The following MMP12 variants were observed in gnomAD, a reference collection of about 807,000 sequenced individuals.
The protein encoded by MMP12 is macrophage metalloelastase.
In MMP12, 51 loss-of-function variants were observed where a neutral mutation model predicts 45.2. That is an observed-to-expected ratio of 1.13 (90% confidence interval 0.90 to 1.42). The LOEUF is 1.42. Ranked by LOEUF, MMP12 falls within the 40% of genes most tolerant of loss-of-function variation. The pLI is 0.00. For missense variants in MMP12, 530 were observed against 570.8 expected (o/e 0.93, Z 0.73); for synonymous variants, 210 against 193.3 (o/e 1.09, Z -0.72).
At chr11:102,874,085 T>A (rs1555009791) in intron 1 of MMP12, among the ~76,000 whole-genome samples, 1 of 150,218 alleles carries the variant, frequency 6.7e-6, no homozygotes, top group Non-Finnish European at 1.5e-5. Flanking sequence ...GAATTATTAA[T>A]GTTATTAATA....
intron 9 of MMP12, among the ~76,000 whole-genome samples, chr11:102,863,937 C>G (rs1345474472): frequency 2.0e-5 from 3 of 152,156 alleles, no homozygotes; most frequent in African/African-American, 7.2e-5. Context: ...GCTAGACAAC[C>G]CTGGGAATAT....
At position 102,874,907 on chromosome 11, in the gene MMP12, C is replaced by T. The variant is rs1555009887; in HGVS notation, c.31G>A (p.Ala11Thr). Reference sequence around the variant, plus strand: ...AGGGGAAGAGCTCCAGAAGCAGTGGCCTGCAGGAGCAGTATTAGAAGAAAC... The same window carrying T: ...AGGGGAAGAGCTCCAGAAGCAGTGGTCTGCAGGAGCAGTATTAGAAGAAAC... Reference protein sequence around the residue: MKFLLILLLQATASGALPLNS... With the variant: MKFLLILLLQTTASGALPLNS... Residue 11 changes from alanine (A) to threonine (T), a missense_variant, in exon 1 of 10, where the codon GCC becomes ACC. Transcript: ENST00000571244. The T allele has an allele frequency of 6.2e-7, 1 of 1,603,406 alleles. No individual in the cohort carries two copies. The highest frequency in any genetic ancestry group is 1.7e-5 in the Admixed American group (1 of 58,606).
intron 4 of MMP12, among the ~76,000 whole-genome samples, chr11:102,870,216 G>A (rs1481240583): frequency 6.6e-6 from 1 of 151,982 alleles, no homozygotes; most frequent in Non-Finnish European, 1.5e-5. Flanking sequence ...ATTTTTTTGA[G>A]GCTAACTAGC....
chr11:102,865,516 C>T lies in MMP12; in HGVS notation c.1205+260G>A, dbSNP rs1565232377. 6.6e-6 allele frequency among the ~76,000 whole-genome samples: 1 copy of T among 152,004 alleles called. No homozygotes were observed. Among genetic ancestry groups the T allele is most frequent in the East Asian group, 1.9e-4 (1 of 5,196 alleles). On this transcript the variant is annotated intron_variant, in intron 8 of 9. Transcript: ENST00000571244. This position sits in a 1 kb window ranked among gnomAD's most constrained non-coding sequence, Gnocchi z 4.1. ...GACACTATTTTCCAATGTGTTTCCA[C>T]TATGATTAATAAGATGACATTTTAT...
intron 4 of MMP12, 120 bp downstream of exon 4, chr11:102,871,474 T>C: frequency 1.6e-6 from 2 of 1,256,090 alleles, no homozygotes; most frequent in Non-Finnish European, 2.2e-6. Context: ...TTTTCCATCA[T>C]ATAATCATTT....
At chr11:102,863,304 C>T (rs781980458) in intron 9 of MMP12, 104 bp from the exon 10 acceptor site, 41 of 672,836 alleles carry the variant, frequency 6.1e-5, no homozygotes, top group Non-Finnish European at 9.3e-5. Flanking sequence ...GAATAGATGA[C>T]CTATGGGCTG....
In MMP12 at chr11:102,863,174, T is replaced by C. The variant is rs1555008052; in HGVS notation, c.1339A>G (p.Asn447Asp). The C allele has an allele frequency of 2.5e-6, 4 of 1,606,486 alleles. No individual in the cohort carries two copies. Among genetic ancestry groups the C allele is most frequent in the Middle Eastern group, 1.7e-4 (1 of 5,962 alleles). Residue 447 changes from asparagine to aspartate, a missense_variant, in exon 10 of 10, where the codon AAC (asparagine) becomes GAC (aspartate). Coordinates refer to ENST00000571244, the MANE Select transcript of MMP12 (RefSeq NM_002426.6). ...AGTAGGAAGTCATATTCAAATTGGTTAGATCCTTGGAAGAAATAGTAGTAT... is the reference window on the plus strand; with the variant it reads ...AGTAGGAAGTCATATTCAAATTGGTCAGATCCTTGGAAGAAATAGTAGTAT... ...NKYYYFFQGS[N>D]QFEYDFLLQR...
At chr11:102,864,892 C>A (rs1555008306) in intron 8 of MMP12, among the ~76,000 whole-genome samples, 1 of 152,070 alleles carries the variant, frequency 6.6e-6, no homozygotes, top group Non-Finnish European at 1.5e-5. Flanking sequence ...CTCTCAATGG[C>A]CTTTCAGGGA....
In MMP12 at chr11:102,871,575, G is replaced by T. The variant is rs1555009327; in HGVS notation, c.625+19C>A. On this transcript the variant is annotated intron_variant, in intron 4 of 9. Coordinates refer to ENST00000571244, the MANE Select transcript of MMP12 (RefSeq NM_002426.6). ...TGTTTGCTTAGTTTTTTGTTTGTTT[G>T]TTTGTTTGTTTTGCCCACCTCCTGA... The T allele has an allele frequency of 2.6e-6, 4 of 1,547,976 alleles. No individual in the cohort carries two copies. Among genetic ancestry groups the T allele is most frequent in the South Asian group, 2.4e-5 (2 of 82,944 alleles).
intron 4 of MMP12, among the ~76,000 whole-genome samples, chr11:102,869,814 G>A (rs904024605): frequency 1.6e-4 from 25 of 152,030 alleles, no homozygotes; most frequent in African/African-American, 6.0e-4. Flanking sequence ...AGTTAGTCAG[G>A]AGGCTGAAGT....
chr11:102,873,435 A>T (rs1445958716), intron 1 of MMP12, among the ~76,000 whole-genome samples: 2 of 152,030 alleles, frequency 1.3e-5, no homozygotes, highest in African/African-American at 4.8e-5. Flanking sequence ...CCTCCTCTGT[A>T]CAAAAAACAC....
rs782427748 is a variant in MMP12, at chr11:102,864,227, C to G, written c.1231G>C (p.Asp411His). ...WRYDERRQMM[D>H]PGYPKLITKN... Reference sequence around the variant, plus strand: ...GTAATCAGTTTGGGATAACCAGGGTCCATCATCTGTCTCCTTTCATCATAC... The same window carrying G: ...GTAATCAGTTTGGGATAACCAGGGTGCATCATCTGTCTCCTTTCATCATAC... The change falls in exon 9 of 10, where the codon GAC becomes CAC. Residue 411 changes from aspartate (D) to histidine (H), a missense_variant. Physicochemically the swap from Asp to His is moderately conservative, Grantham distance 81. Transcript: ENST00000571244. 1.9e-6 allele frequency: 3 copies of G among 1,613,676 alleles called. No homozygotes were observed. In the East Asian group the frequency reaches 6.7e-5, roughly 36 times the overall value.
rs201937186 is a variant in MMP12 at position 102,871,703 on chromosome 11, A to C, written c.516T>G (p.His172Gln). 1 of 1,610,508 alleles carries C rather than the reference A, an allele frequency of 6.2e-7. No homozygotes were observed. The highest frequency in any genetic ancestry group is 1.7e-5 in the Admixed American group (1 of 59,638). The change falls in exon 4 of 10, where the codon CAT becomes CAG. Residue 172 changes from histidine to glutamine, a missense_variant. Transcript: ENST00000571244. ...VFARGAHGDF[H>Q]AFDGKGGILA... ...GGATTCCACCTTTGCCATCAAAAGC[A>C]TGGAAGTCTCCATGAGCTTTTGGAA...
At position 102,863,176 on chromosome 11, in the gene MMP12, G is replaced by T. The variant is rs782081546; in HGVS notation, c.1337C>A (p.Ser446Tyr). Reference protein sequence around the residue: ...KNKYYYFFQGSNQFEYDFLLQ... With the variant: ...KNKYYYFFQGYNQFEYDFLLQ... ...TAGGAAGTCATATTCAAATTGGTTA[G>T]ATCCTTGGAAGAAATAGTAGTATTC... The change falls in exon 10 of 10, where the codon TCT becomes TAT. Residue 446 changes from serine to tyrosine, a missense_variant. Ser to Tyr is a moderately radical substitution (Grantham distance 144). Transcript: ENST00000571244. The T allele has an allele frequency of 1.9e-6, 3 of 1,604,740 alleles. No individual in the cohort carries two copies. Among genetic ancestry groups the T allele is most frequent in the South Asian group, 1.1e-5 (1 of 90,160 alleles).
At chr11:102,874,616 C>T (rs1347714742) in intron 1 of MMP12, among the ~76,000 whole-genome samples, 1 of 152,214 alleles carries the variant, frequency 6.6e-6, no homozygotes, top group Non-Finnish European at 1.5e-5. Flanking sequence ...AACAAGTTCA[C>T]TTGCCAATTT....
chr11:102,864,193 A>T lies in MMP12; in HGVS notation c.1265T>A (p.Phe422Tyr), dbSNP rs200644867. Residue 422 changes from phenylalanine to tyrosine, a missense_variant, in exon 9 of 10, where the codon TTC becomes TAC. Coordinates refer to ENST00000571244, the MANE Select transcript of MMP12 (RefSeq NM_002426.6). ...PGYPKLITKN[F>Y]QGIGPKIDAV... is the part of the protein sequence containing the mutation. ...ATCAATTTTAGGCCCGATTCCTTGG[A>T]AGTTCTTGGTAATCAGTTTGGGATA... is the stretch of plus-strand genomic sequence containing the variant. 1.1e-5 allele frequency: 18 copies of T among 1,613,740 alleles called. No individual in the cohort carries two copies. Among genetic ancestry groups the T allele is most frequent in the Middle Eastern group, 1.6e-4 (1 of 6,084 alleles).
At chr11:102,864,396 ACT>A in intron 8 of MMP12, 144 bp from the exon 9 acceptor site, 1 of 626,932 alleles carries the variant, frequency 1.6e-6, no homozygotes, top group South Asian at 2.0e-5. Context: ...TAAACAGTTC[ACT>A]GATTTCCTCT....
intron 8 of MMP12, among the ~76,000 whole-genome samples, chr11:102,864,593 T>A (rs1859352295): frequency 1.3e-5 from 2 of 152,190 alleles, no homozygotes; most frequent in Admixed American, 6.5e-5. Flanking sequence ...TTTTCAAAGC[T>A]ATTCACTGAG....
chr11:102,864,882 C>T (rs1489904958), intron 8 of MMP12, among the ~76,000 whole-genome samples: 1 of 152,170 alleles, frequency 6.6e-6, no homozygotes, highest in Admixed American at 6.5e-5. Flanking sequence ...GCTTAGCACT[C>T]TCTCAATGGC....
Sources: gnomAD v4.1 joint callset for allele counts (sites outside exome capture counted in the v4.1 genomes callset) on GRCh38, gnomAD v4.1.1 for gene constraint, Gnocchi (gnomAD v3.1) non-coding constraint, MANE v1.5 for transcripts, NCBI Gene and HGNC (gene_info 2026-07-23, HGNC 2026-07-21) for gene names.